DEFA4: variants seen among roughly 807,000 people sequenced by gnomAD.
The protein encoded by DEFA4 is corticostatin.
A neutral mutation model predicts 4.4 loss-of-function variants in DEFA4; 8 were observed. The observed-to-expected ratio is 1.82, with a 90% CI of 1.07 to 3.29. DEFA4 has a LOEUF of 3.29. Ranked by LOEUF, DEFA4 falls within the 30% of genes most tolerant of loss-of-function variation. The pLI, the probability that DEFA4 is intolerant of heterozygous loss-of-function variation, is 0.00. For missense variants in DEFA4, 216 were observed against 127.0 expected (o/e 1.70, Z -3.37); for synonymous variants, 77 against 46.5 (o/e 1.66, Z -2.67).
Position 6,935,949 on chromosome 8 carries a change from G to T in DEFA4, c.*71C>A. ...TTTTCTCTATTCTGCAAGCTCAGCT[G>T]CAGAAGCATGTGAAGCTAACACCAC... On this transcript the variant is annotated 3_prime_UTR_variant, in exon 3 of 3. Coordinates refer to ENST00000297435, the MANE Select transcript of DEFA4 (RefSeq NM_001925.3). 1 of 1,604,908 alleles carries T rather than the reference G, an allele frequency of 6.2e-7. No homozygotes were observed. Among genetic ancestry groups the T allele is most frequent in the Non-Finnish European group, 8.5e-7 (1 of 1,172,632 alleles).
At chr8:6,937,336 C>T (rs913749576) in intron 1 of DEFA4, among the ~76,000 whole-genome samples, 1 of 152,092 alleles carries the variant, frequency 6.6e-6, no homozygotes, top group South Asian at 2.1e-4. Flanking sequence ...AACACTGGTG[C>T]CAGACCTGTA....
chr8:6,936,694 G>T, intron 2 of DEFA4, 34 bp downstream of exon 2: 3 of 1,553,298 alleles, frequency 1.9e-6, no homozygotes, highest in South Asian at 1.2e-5. Context: ...CGTCTCTCTA[G>T]ACTCGGTAGC....
In DEFA4 at chr8:6,936,870, A is replaced by C. The variant is rs1225255115; in HGVS notation, c.30T>G (p.Ile10Met). Reference sequence around the variant, plus strand: ...CCCGGACCTGGAGGGCTACCAAGAGAATAGCAGCGAGGAGGGCGATAATCC... The same window carrying C: ...CCCGGACCTGGAGGGCTACCAAGAGCATAGCAGCGAGGAGGGCGATAATCC... MRIIALLAAILLVALQVRAG... is the reference protein window; with the variant it reads MRIIALLAAMLLVALQVRAG... The change falls in exon 2 of 3, where the codon ATT becomes ATG. Residue 10 changes from isoleucine to methionine, a missense_variant. Ile to Met is a conservative substitution (Grantham distance 10). Coordinates refer to ENST00000297435, the MANE Select transcript of DEFA4 (RefSeq NM_001925.3). 1 of 1,610,742 alleles carries C rather than the reference A, an allele frequency of 6.2e-7. No homozygotes were observed. The highest frequency in any genetic ancestry group is 2.2e-5 in the East Asian group (1 of 44,772).
At position 6,936,039 on chromosome 8, in the gene DEFA4, C is replaced by T. The variant is rs868137471; in HGVS notation, c.275G>A (p.Cys92Tyr). Reference sequence around the variant, plus strand: ...AGAACGTTAATCGACACGCGTGCAGCAGTATGTGAAACTCACACCACCAAT... The same window carrying T: ...AGAACGTTAATCGACACGCGTGCAGTAGTATGTGAAACTCACACCACCAAT... ...CLIGGVSFTY[C>Y]CTRVD The change falls in exon 3 of 3, where the codon TGC becomes TAC. Residue 92 changes from cysteine (C) to tyrosine (Y), a missense_variant. Physicochemically the swap from Cys to Tyr is radical, Grantham distance 194 (BLOSUM62 -2). Transcript: ENST00000297435. 1.2e-6 allele frequency: 2 copies of T among 1,613,834 alleles called. No individual in the cohort carries two copies. Among genetic ancestry groups the T allele is most frequent in the Admixed American group, 3.3e-5 (2 of 60,002 alleles).
At chr8:6,936,977 C>G in intron 1 of DEFA4, 66 bp from the exon 2 acceptor site, 2 of 1,342,648 alleles carry the variant, frequency 1.5e-6, no homozygotes, top group Non-Finnish European at 9.8e-7. Flanking sequence ...TATAGCTTTG[C>G]TGGGAGAAGG....
Position 6,936,735 on chromosome 8 carries a change from C to A in DEFA4, c.165G>T (p.Gln55His). 1.9e-6 allele frequency: 3 copies of A among 1,598,608 alleles called. No individual in the cohort carries two copies. The East Asian group carries it at 6.8e-5, about 36-fold the overall frequency. ...TATGCTGGCCTCTCTCACCTGAAAC[C>A]TGAAGAGCAGAGCTTTTATCCCATG... The part of the protein sequence containing the change: ...SFAWDKSSAL[Q>H]VSGSTRGMVC... The change falls in exon 2 of 3, where the codon CAG (glutamine) becomes CAT (histidine). Residue 55 changes from glutamine (Q) to histidine (H), a missense_variant. Transcript: ENST00000297435.
At position 6,936,604 on chromosome 8, in the gene DEFA4, A is replaced by G. The variant is rs1470935786; in HGVS notation, c.172+124T>C. ...CTCTATTCAGTTTGGAGATAAGAAA[A>G]TCGAGGCCCAGAGATGGTAAGTAAA... On this transcript the variant is annotated intron_variant, in intron 2 of 2. Transcript: ENST00000297435. 1.2e-5 allele frequency: 12 copies of G among 963,756 alleles called. 1 individual carries two copies. The highest frequency in any genetic ancestry group is 1.8e-5 in the Non-Finnish European group (12 of 683,910). 59.7% of individuals were successfully genotyped at this position (963,756 alleles called of 1,614,324 possible).
At position 6,936,891 on chromosome 8, in the gene DEFA4, A is replaced by T. The variant is rs775138256; in HGVS notation, c.9T>A (p.Ile3=). Residue 3 remains isoleucine (I), a synonymous_variant, in exon 2 of 3, where the codon ATT becomes ATA. Transcript: ENST00000297435. MR[I]IALLAAILLV... ...AGAGAATAGCAGCGAGGAGGGCGAT[A>T]ATCCTCATGGCTGGGGTGACCTGGA... The T allele has an allele frequency of 7.5e-6, 12 of 1,604,374 alleles. No homozygotes were observed. The East Asian group carries it at 2.7e-4, about 36-fold the overall frequency.
Position 6,936,807 on chromosome 8 carries a change from G to C in DEFA4, c.93C>G (p.Gly31=). Residue 31 remains glycine (G), a synonymous_variant, in exon 2 of 3, where the codon GGC becomes GGG. Transcript: ENST00000297435. ...GGTCTTCTGGCCCACGCTGCTCCTG[G>C]CCTGGAGCCTCATCACCTCTTGCCT... ...PLQARGDEAP[G]QEQRGPEDQD... 1 of 1,613,704 alleles carries C rather than the reference G, an allele frequency of 6.2e-7. No homozygotes were observed. The highest frequency in any genetic ancestry group is 8.5e-7 in the Non-Finnish European group (1 of 1,179,850).
intron 1 of DEFA4, among the ~76,000 whole-genome samples, chr8:6,937,265 T>C (rs1300600749): frequency 6.6e-6 from 1 of 152,180 alleles, no homozygotes; most frequent in Non-Finnish European, 1.5e-5. Context: ...CATTCAATAA[T>C]TTAAGAGAGC....
At chr8:6,936,162 T>G (rs760899482) in intron 2 of DEFA4, 21 bp from the exon 3 acceptor site, 2 of 1,612,502 alleles carry the variant, frequency 1.2e-6, no homozygotes, top group Non-Finnish European at 1.7e-6. Flanking sequence ...AGAGGAAGCA[T>G]GAGAAATTAA....
In DEFA4 at chr8:6,936,081, C is replaced by A. The variant is rs200506506; in HGVS notation, c.233G>T (p.Arg78Leu). The A allele has an allele frequency of 1.2e-6, 2 of 1,614,026 alleles. No homozygotes were observed. Among genetic ancestry groups the A allele is most frequent in the African/African-American group, 1.3e-5 (1 of 75,028 alleles). ...RLVFCRRTEL[R>L]VGNCLIGGVS... ...ACCACCAATGAGGCAGTTCCCAACA[C>A]GAAGTTCTGTTCGCCGGCAGAATAC... is the stretch of plus-strand genomic sequence containing the variant. The change falls in exon 3 of 3, where the codon CGT becomes CTT. Residue 78 changes from arginine (R) to leucine (L), a missense_variant. By Grantham distance (102) the Arg-to-Leu change is moderately radical (BLOSUM62 -2). Transcript: ENST00000297435.
rs372333304 is a variant in DEFA4 at position 6,936,141 on chromosome 8, C to A, written c.173G>T (p.Gly58Val). ...AGAGCAGACCATGCCCCTTGTTGAG[C>A]CTGGGAACACAGAGGAAGCATGAGA... Reference protein sequence around the residue: ...WDKSSALQVSGSTRGMVCSCR... With the variant: ...WDKSSALQVSVSTRGMVCSCR... Residue 58 changes from glycine to valine, a missense_variant and splice_region_variant, in exon 3 of 3, where the codon GGC becomes GTC. By Grantham distance (109) the Gly-to-Val change is moderately radical. Transcript: ENST00000297435. 20 of 1,613,650 alleles carry A rather than the reference C, an allele frequency of 1.2e-5. No individual in the cohort carries two copies. Among genetic ancestry groups the A allele is most frequent in the Admixed American group, 1.7e-5 (1 of 59,996 alleles).
In DEFA4 at chr8:6,936,814, G is replaced by C. The variant is rs1264503143; in HGVS notation, c.86C>G (p.Ala29Gly). 1 of 1,613,632 alleles carries C rather than the reference G, an allele frequency of 6.2e-7. No individual in the cohort carries two copies. Among genetic ancestry groups the C allele is most frequent in the African/African-American group, 1.3e-5 (1 of 74,920 alleles). The part of the protein sequence containing the change: ...AGPLQARGDE[A>G]PGQEQRGPED... ...TGGCCCACGCTGCTCCTGGCCTGGA[G>C]CCTCATCACCTCTTGCCTGGAGTGG... The change falls in exon 2 of 3, where the codon GCT (alanine) becomes GGT (glycine). Residue 29 changes from alanine (A) to glycine (G), a missense_variant. Physicochemically the swap from Ala to Gly is moderately conservative, Grantham distance 60. Coordinates refer to ENST00000297435, the MANE Select transcript of DEFA4 (RefSeq NM_001925.3).
chr8:6,937,200 C>T (rs146989495), intron 1 of DEFA4, among the ~76,000 whole-genome samples: 34 of 152,138 alleles, frequency 2.2e-4, no homozygotes, highest in African/African-American at 5.1e-4. Context: ...CAGGAAATAC[C>T]TAATATTTCC....
At chr8:6,937,167 A>G (rs563262971) in intron 1 of DEFA4, among the ~76,000 whole-genome samples, 4 of 152,068 alleles carry the variant, frequency 2.6e-5, no homozygotes, top group African/African-American at 9.6e-5. Flanking sequence ...GATGATGAGG[A>G]CCCTGGCATT....
chr8:6,937,786 A>T (rs1808924600), intron 1 of DEFA4, among the ~76,000 whole-genome samples: 1 of 152,182 alleles, frequency 6.6e-6, no homozygotes, highest in South Asian at 2.1e-4. Context: ...TAGCAAAGGA[A>T]ACAATCAACT....
In DEFA4 at chr8:6,935,823, C is replaced by T; in HGVS notation, c.*197G>A. 1 of 667,338 alleles carries T rather than the reference C, an allele frequency of 1.5e-6. No homozygotes were observed. The highest frequency in any genetic ancestry group is 2.5e-6 in the Non-Finnish European group (1 of 399,896). 41.3% of individuals were successfully genotyped at this position (667,338 alleles called of 1,614,324 possible). Reference sequence around the variant, plus strand: ...TTTAAAGAGGTGTAAACAAAGACATCTTGTTACGAGATATATATTTAGGAT... The same window carrying T: ...TTTAAAGAGGTGTAAACAAAGACATTTTGTTACGAGATATATATTTAGGAT... On this transcript the variant is annotated 3_prime_UTR_variant, in exon 3 of 3. Coordinates refer to ENST00000297435, the MANE Select transcript of DEFA4 (RefSeq NM_001925.3).
chr8:6,937,653 C>G (rs1260668643), intron 1 of DEFA4, among the ~76,000 whole-genome samples: 1 of 152,114 alleles, frequency 6.6e-6, no homozygotes, highest in Non-Finnish European at 1.5e-5. Context: ...GAAGCACATA[C>G]AAAGATAAAG....
Sources: gnomAD v4.1 joint callset for allele counts (sites outside exome capture counted in the v4.1 genomes callset) on GRCh38, gnomAD v4.1.1 for gene constraint, MANE v1.5 for transcripts, NCBI Gene and HGNC (gene_info 2026-07-23, HGNC 2026-07-21) for gene names.